Variants in SPTBN1 observed in about 807,000 individuals in gnomAD.
SPTBN1 encodes spectrin beta, non-erythrocytic 1, also known as spectrin beta chain, non-erythrocytic 1.
SPTBN1 carries 32 observed loss-of-function variants against 266.4 expected under a neutral mutation model. The observed-to-expected ratio is 0.12, with a 90% CI of 0.09 to 0.16. The LOEUF (loss-of-function observed/expected upper bound fraction) is 0.16. Ranked by LOEUF, SPTBN1 falls within the 10% of genes least tolerant of loss-of-function variation. The pLI, the probability that SPTBN1 is intolerant of heterozygous loss-of-function variation, is 1.00. For missense variants in SPTBN1, 2,296 were observed against 3,067.1 expected (o/e 0.75, Z 5.94); for synonymous variants, 1,336 against 1,162.2 (o/e 1.15, Z -3.04).
intron 18 of SPTBN1, among the ~76,000 whole-genome samples, chr2:54,641,618 A>C (rs1439104514): frequency 6.6e-6 from 1 of 152,162 alleles, no homozygotes; most frequent in Non-Finnish European, 1.5e-5. Flanking sequence ...TTTTTCCCTC[A>C]ACAAAGAGTG....
chr2:54,522,488 AG>A (rs1195232491), intron 1 of SPTBN1, among the ~76,000 whole-genome samples: 1 of 151,744 alleles, frequency 6.6e-6, no homozygotes, highest in Non-Finnish European at 1.5e-5. Context: ...AAAATTAGTC[AG>A]GCATGATAGT....
At chr2:54,573,077 C>T (rs888605880) in intron 2 of SPTBN1, among the ~76,000 whole-genome samples, 1 of 152,202 alleles carries the variant, frequency 6.6e-6, no homozygotes, top group African/African-American at 2.4e-5. Context: ...CCTTTCTTAC[C>T]TCAGTTTCCT....
chr2:54,559,024 C>T (rs1673088670), intron 2 of SPTBN1: 7 of 978,820 alleles, frequency 7.2e-6, no homozygotes, highest in Admixed American at 3.2e-5. Flanking sequence ...GCACCCCATT[C>T]ACGACTTAGG....
intron 2 of SPTBN1, among the ~76,000 whole-genome samples, chr2:54,542,641 CA>C (rs1176943286): frequency 2.6e-5 from 4 of 152,116 alleles, no homozygotes; most frequent in African/African-American, 2.4e-5. Flanking sequence ...AAGGAAGGCA[CA>C]GGGAGGAACG....
At chr2:54,579,619 G>C (rs567547147) in intron 2 of SPTBN1, among the ~76,000 whole-genome samples, 28 of 149,954 alleles carry the variant, frequency 1.9e-4, no homozygotes, top group African/African-American at 6.8e-4. Flanking sequence ...GTTTGGCCCT[G>C]CTTTTGAACT....
rs909696507 is a variant in SPTBN1, at chr2:54,627,987, T to C, written c.1645-110T>C. 4.5e-6 allele frequency: 6 copies of C among 1,329,612 alleles called. No homozygotes were observed. The African/African-American group carries it at 7.4e-5, about 16-fold the overall frequency. The allele number at this position is 1,329,612 out of a possible 1,614,324, so 82.4% of individuals were successfully genotyped here. A position where few individuals can be genotyped will look rare whatever the true frequency, so the allele number is the denominator to read the frequency against. On this transcript the variant is annotated intron_variant, in intron 12 of 35. Transcript: ENST00000356805. ...TGAAGGTGTGGGGTCCATGGCAGAC[T>C]AGAGGGAAGGCATAGCTTCATTGCT...
At chr2:54,559,985 A>G (rs1478805499) in intron 2 of SPTBN1, among the ~76,000 whole-genome samples, 2 of 152,148 alleles carry the variant, frequency 1.3e-5, no homozygotes, top group East Asian at 3.8e-4. Flanking sequence ...CTGGAAAACG[A>G]GGCAGAACAG....
rs965127060 is a variant in SPTBN1, at chr2:54,670,884, C to T, written c.*2315C>T. 56 of 398,154 alleles carry T rather than the reference C, an allele frequency of 1.4e-4. No individual in the cohort carries two copies. The highest frequency in any genetic ancestry group is 6.3e-4 in the Middle Eastern group (1 of 1,584). 24.7% of individuals were successfully genotyped at this position (398,154 alleles called of 1,614,324 possible). A position where few individuals can be genotyped will look rare whatever the true frequency, so the allele number is the denominator to read the frequency against. On this transcript the variant is annotated 3_prime_UTR_variant, in exon 36 of 36. Transcript: ENST00000356805. ...CAGAAGACCCCAGTCAAGACGTGTT[C>T]GCCATCAGAGGTTACAGGCCGCACA...
intron 2 of SPTBN1, among the ~76,000 whole-genome samples, chr2:54,530,019 C>T (rs1469875521): frequency 6.6e-6 from 1 of 152,064 alleles, no homozygotes; most frequent in East Asian, 1.9e-4. Context: ...GGGGTTTCTG[C>T]TGAACATGCA....
At position 54,630,979 on chromosome 2, in the gene SPTBN1, A is replaced by G. The variant is rs1353541961; in HGVS notation, c.2932A>G (p.Ile978Val). 1.2e-6 allele frequency: 2 copies of G among 1,614,062 alleles called. No individual in the cohort carries two copies. The highest frequency in any genetic ancestry group is 1.7e-5 in the Admixed American group (1 of 60,010). Residue 978 changes from isoleucine (I) to valine (V), a missense_variant, in exon 16 of 36, where the codon ATC (isoleucine) becomes GTC (valine). Physicochemically the swap from Ile to Val is conservative, Grantham distance 29 (BLOSUM62 3). Coordinates refer to ENST00000356805, the MANE Select transcript of SPTBN1 (RefSeq NM_003128.3). The part of the protein sequence containing the change: ...KSWIREKTKV[I>V]ESTQDLGNDL... Reference sequence around the variant, plus strand: ...CTGGATTCGGGAAAAGACCAAGGTCATCGAGTCCACCCAGGACCTGGGCAA... The same window carrying G: ...CTGGATTCGGGAAAAGACCAAGGTCGTCGAGTCCACCCAGGACCTGGGCAA...
intron 1 of SPTBN1, among the ~76,000 whole-genome samples, chr2:54,506,684 C>T (rs2104170855): frequency 6.6e-6 from 1 of 151,998 alleles, no homozygotes; most frequent in South Asian, 2.1e-4. Context: ...AGAGAAATAC[C>T]CAATAGTTCT....
chr2:54,640,701 G>A (rs1414387346), intron 18 of SPTBN1, among the ~76,000 whole-genome samples: 1 of 152,134 alleles, frequency 6.6e-6, no homozygotes, highest in East Asian at 1.9e-4. Flanking sequence ...CCAGGCATGC[G>A]CCACCACACC....
rs41281493 is a variant in SPTBN1, at chr2:54,612,381, A to G, written c.474+47A>G. ...TGCTCAGAACTTAGGCCGACCTCTCAGGTATGAGCATTGTTATAGAGCTGG... is the reference window on the plus strand; with the variant it reads ...TGCTCAGAACTTAGGCCGACCTCTCGGGTATGAGCATTGTTATAGAGCTGG... On this transcript the variant is annotated intron_variant, in intron 4 of 35. Coordinates refer to ENST00000356805, the MANE Select transcript of SPTBN1 (RefSeq NM_003128.3). 9.5e-3 allele frequency: 14,733 copies of G among 1,558,578 alleles called. 87 individuals carry two copies. Among genetic ancestry groups the G allele is most frequent in the Non-Finnish European group, 0.012 (13,455 of 1,148,712 alleles).
intron 18 of SPTBN1, among the ~76,000 whole-genome samples, chr2:54,641,830 G>A (rs982934428): frequency 9.9e-5 from 15 of 152,168 alleles, no homozygotes; most frequent in African/African-American, 3.6e-4. Context: ...TTTCCTGGCA[G>A]CAGCCCACAG....
intron 18 of SPTBN1, among the ~76,000 whole-genome samples, chr2:54,638,865 T>G (rs969113233): frequency 6.6e-6 from 1 of 152,208 alleles, no homozygotes; most frequent in South Asian, 2.1e-4. Flanking sequence ...TGTGTGACTG[T>G]GCATTAAAAG....
chr2:54,602,329 A>C (rs754508353), intron 3 of SPTBN1, among the ~76,000 whole-genome samples: 11 of 152,190 alleles, frequency 7.2e-5, no homozygotes, highest in Non-Finnish European at 1.2e-4. Context: ...GAGTAGAATG[A>C]GGCTTGAGGG....
chr2:54,466,974 G>A (rs1055190216), intron 1 of SPTBN1, among the ~76,000 whole-genome samples: 1 of 152,002 alleles, frequency 6.6e-6, no homozygotes, highest in South Asian at 2.1e-4. Context: ...CATTACTTAT[G>A]CAGAGTGTGG....
intron 2 of SPTBN1, among the ~76,000 whole-genome samples, chr2:54,569,058 A>G (rs1254857383): frequency 6.6e-6 from 1 of 152,282 alleles, no homozygotes. Flanking sequence ...GTAAGTGCTC[A>G]TTTCCTCTGA....
At chr2:54,625,092 C>G in intron 11 of SPTBN1, 130 bp downstream of exon 11, 1 of 1,067,696 alleles carries the variant, frequency 9.4e-7, no homozygotes, top group Non-Finnish European at 1.3e-6. Context: ...GTCAGGTCAC[C>G]TTGGCCCCTT....
Sources: allele counts gnomAD v4.1 joint callset (sites outside exome capture counted in the v4.1 genomes callset), GRCh38; gene constraint gnomAD v4.1.1; transcripts MANE v1.5; gene names NCBI Gene and HGNC (gene_info 2026-07-23, HGNC 2026-07-21).